XKR4: variants seen among roughly 807,000 people sequenced by gnomAD.
XKR4 encodes XK-related protein 4.
In XKR4, 12 loss-of-function variants were observed where a neutral mutation model predicts 53.9. The observed-to-expected ratio is 0.22, with a 90% CI of 0.14 to 0.36. The LOEUF is 0.36. Ranked by LOEUF, XKR4 falls within the 10% of genes least tolerant of loss-of-function variation. The probability of loss-of-function intolerance (pLI) is 1.00; values close to 1 mark genes in which losing one functional copy is unlikely to be tolerated. For missense variants in XKR4, 799 were observed against 859.5 expected, an observed-to-expected ratio of 0.93 and a Z score of 0.88; for synonymous variants, 354 against 362.4, an observed-to-expected ratio of 0.98 and a Z score of 0.26.
chr8:55,463,325 T>G (rs1805694121), intron 2 of XKR4, among the ~76,000 whole-genome samples: 1 of 151,998 alleles, frequency 6.6e-6, no homozygotes, highest in Non-Finnish European at 1.5e-5. Flanking sequence ...AGAAACTCAC[T>G]CAAAACTGCT....
intron 1 of XKR4, among the ~76,000 whole-genome samples, chr8:55,303,063 A>C (rs1240137902): frequency 3.3e-5 from 5 of 152,100 alleles, no homozygotes; most frequent in Non-Finnish European, 4.4e-5. Context: ...GAAGGCATCC[A>C]TGTCTTGTGC....
At position 55,533,539 on chromosome 8, in the gene XKR4, C is replaced by T. The variant is rs1263964168; in HGVS notation, c.*9312C>T. ...TGGGGCTCTGTGGAAAGATGTAAAT[C>T]CCTCCTGCTGTAAGAGGAGGGAAGG... is the stretch of plus-strand genomic sequence containing the variant. On this transcript the variant is annotated 3_prime_UTR_variant, in exon 3 of 3. Transcript: ENST00000327381. The T allele has an allele frequency of 6.6e-6, 1 of 152,196 alleles. No individual in the cohort carries two copies. Among genetic ancestry groups the T allele is most frequent in the East Asian group, 1.9e-4 (1 of 5,200 alleles). The allele number at this position is 152,196 out of a possible 1,614,324, so 9.4% of individuals were successfully genotyped here.
At chr8:55,467,294 G>A (rs1805789759) in intron 2 of XKR4, among the ~76,000 whole-genome samples, 1 of 152,112 alleles carries the variant, frequency 6.6e-6, no homozygotes, top group South Asian at 2.1e-4. Flanking sequence ...GAGCTCATTT[G>A]GTTAGACCAG....
At chr8:55,459,082 T>C (rs1194658796) in intron 2 of XKR4, among the ~76,000 whole-genome samples, 1 of 152,058 alleles carries the variant, frequency 6.6e-6, no homozygotes, top group Non-Finnish European at 1.5e-5. Flanking sequence ...GACAGAGAAA[T>C]AAATCAAAGG....
intron 2 of XKR4, among the ~76,000 whole-genome samples, chr8:55,470,776 A>T (rs1212908048): frequency 8.5e-5 from 13 of 152,128 alleles, no homozygotes; most frequent in Admixed American, 8.5e-4. Context: ...CTTCCTACTG[A>T]TCACTTTCTA....
intron 2 of XKR4, among the ~76,000 whole-genome samples, chr8:55,496,610 TTTC>T (rs1806353461): frequency 6.6e-6 from 1 of 152,320 alleles, no homozygotes; most frequent in African/African-American, 2.4e-5. Context: ...TTTGGACAAA[TTTC>T]TTCTTTAAGA....
At chr8:55,348,114 C>T (rs1258431951) in intron 1 of XKR4, among the ~76,000 whole-genome samples, 2 of 152,158 alleles carry the variant, frequency 1.3e-5, no homozygotes, top group Non-Finnish European at 2.9e-5. Flanking sequence ...GAAGGTCAGT[C>T]GAAGCCCAGA....
chr8:55,402,940 C>G (rs1256344272), intron 2 of XKR4, among the ~76,000 whole-genome samples: 1 of 152,192 alleles, frequency 6.6e-6, no homozygotes, highest in African/African-American at 2.4e-5. Flanking sequence ...CCTCTTTCAG[C>G]TCCGTCCAGG....
intron 2 of XKR4, among the ~76,000 whole-genome samples, chr8:55,463,895 C>G (rs1027907350): frequency 2.0e-5 from 3 of 151,966 alleles, no homozygotes; most frequent in African/African-American, 7.3e-5. Context: ...ATAAATTCCT[C>G]GACACATACA....
At chr8:55,271,346 T>G (rs1381302472) in intron 1 of XKR4, among the ~76,000 whole-genome samples, 1 of 152,170 alleles carries the variant, frequency 6.6e-6, no homozygotes, top group African/African-American at 2.4e-5. Flanking sequence ...ACTAAATAAA[T>G]TTGACCCTAG....
chr8:55,364,029 T>C (rs965837452), intron 2 of XKR4, among the ~76,000 whole-genome samples: 3 of 152,144 alleles, frequency 2.0e-5, no homozygotes, highest in African/African-American at 7.2e-5. Flanking sequence ...AGTGGTGCCA[T>C]TTTGTAGAAG....
At position 55,107,252 on chromosome 8, in the gene XKR4, G is replaced by A. The variant is rs187929258; in HGVS notation, c.806+3958G>A. 3.4e-4 allele frequency among the ~76,000 whole-genome samples: 51 copies of A among 152,094 alleles called. No individual in the cohort carries two copies. The East Asian group carries it at 6.4e-3, about 19-fold the overall frequency. On this transcript the variant is annotated intron_variant, in intron 1 of 2. Transcript: ENST00000327381. ...ACTGTCTCAGAGAGGTTAAGTAAGC[G>A]GCTTAACCTCTTAATAGGGTCACCC... is the stretch of plus-strand genomic sequence containing the variant.
chr8:55,492,289 T>G (rs1305645365), intron 2 of XKR4, among the ~76,000 whole-genome samples: 1 of 152,234 alleles, frequency 6.6e-6, no homozygotes, highest in Non-Finnish European at 1.5e-5. Context: ...TTTATATATT[T>G]AGTAGGAGTT....
chr8:55,493,095 A>G (rs549761945), intron 2 of XKR4, among the ~76,000 whole-genome samples: 1 of 151,804 alleles, frequency 6.6e-6, no homozygotes, highest in Non-Finnish European at 1.5e-5. Context: ...TGGATATAGT[A>G]TTGGTTCATT....
chr8:55,118,590 T>C (rs1385417539), intron 1 of XKR4, among the ~76,000 whole-genome samples: 1 of 152,222 alleles, frequency 6.6e-6, no homozygotes, highest in African/African-American at 2.4e-5. Context: ...TTCAAAATTT[T>C]CAGTATCAGA....
chr8:55,355,134 C>G (rs377731093), intron 1 of XKR4, among the ~76,000 whole-genome samples: 1 of 151,868 alleles, frequency 6.6e-6, no homozygotes, highest in East Asian at 1.9e-4. Flanking sequence ...GAACTCCTGA[C>G]CTCAGGTGGT....
rs189432419 is a variant in XKR4 at position 55,235,579 on chromosome 8, G to T, written c.807-122099G>T. 1.6e-3 allele frequency among the ~76,000 whole-genome samples: 251 copies of T among 152,300 alleles called. 1 individual carries two copies. Among genetic ancestry groups the T allele is most frequent in the African/African-American group, 5.5e-3 (230 of 41,572 alleles). ...AATATGTTTGTTTTTATTTGGCAAA[G>T]AATCATTTGCAGGTATGTTTACAAG... is the stretch of plus-strand genomic sequence containing the variant. On this transcript the variant is annotated intron_variant, in intron 1 of 2. Coordinates refer to ENST00000327381, the MANE Select transcript of XKR4 (RefSeq NM_052898.2).
At chr8:55,238,184 T>C (rs767106391) in intron 1 of XKR4, among the ~76,000 whole-genome samples, 13 of 152,098 alleles carry the variant, frequency 8.5e-5, no homozygotes, top group Non-Finnish European at 1.8e-4. Context: ...CAAAAGTAGA[T>C]AGGCCACCCA....
At chr8:55,265,995 A>G (rs2129371727) in intron 1 of XKR4, among the ~76,000 whole-genome samples, 1 of 151,428 alleles carries the variant, frequency 6.6e-6, no homozygotes, top group Middle Eastern at 3.4e-3. Flanking sequence ...AAATAAATAA[A>G]TATATAATAA....
Sources: allele counts gnomAD v4.1 joint callset (sites outside exome capture counted in the v4.1 genomes callset), GRCh38; gene constraint gnomAD v4.1.1; transcripts MANE v1.5; gene names NCBI Gene and HGNC (gene_info 2026-07-23, HGNC 2026-07-21).